SLC35F3: variants seen among roughly 807,000 people sequenced by gnomAD.
SLC35F3 encodes putative thiamine transporter SLC35F3.
In SLC35F3, 25 loss-of-function variants were observed where a neutral mutation model predicts 49.9. The observed-to-expected ratio is 0.50, with a 90% CI of 0.37 to 0.70. The LOEUF is 0.70. Among genes scored for constraint, SLC35F3 ranks in the 30% least tolerant of loss-of-function variants. The probability of loss-of-function intolerance (pLI) is 0.00; values close to 1 mark genes in which losing one functional copy is unlikely to be tolerated. For missense variants in SLC35F3, 525 were observed against 639.8 expected, an observed-to-expected ratio of 0.82 and a Z score of 1.94; for synonymous variants, 275 against 265.4, an observed-to-expected ratio of 1.04 and a Z score of -0.35.
At chr1:234,188,134 G>C (rs1572087033) in intron 2 of SLC35F3, among the ~76,000 whole-genome samples, 1 of 152,262 alleles carries the variant, frequency 6.6e-6, no homozygotes, top group East Asian at 1.9e-4. Context: ...CTACTTGGTA[G>C]GCTGAGGCAG....
At position 234,305,744 on chromosome 1, in the gene SLC35F3, A is replaced by G. The variant is rs189970984; in HGVS notation, c.609-3357A>G. On this transcript the variant is annotated intron_variant, in intron 3 of 7. Transcript: ENST00000366618. ...TCTCAATTTAGATTTCATGGAAAAA[A>G]AGTTTTCGTTTCCCACTCATATTTC... Among the ~76,000 whole-genome samples, 686 of 152,294 alleles carry G rather than the reference A, an allele frequency of 4.5e-3. 6 individuals are homozygous for G. The highest frequency in any genetic ancestry group is 0.014 in the African/African-American group (600 of 41,562).
intron 2 of SLC35F3, among the ~76,000 whole-genome samples, chr1:234,144,693 A>G (rs940359266): frequency 3.3e-5 from 5 of 152,200 alleles, no homozygotes; most frequent in African/African-American, 9.7e-5. Context: ...ATCTACTAAG[A>G]TACTTTGCTA....
intron 3 of SLC35F3, among the ~76,000 whole-genome samples, chr1:234,267,481 G>C (rs1444812285): frequency 2.9e-4 from 42 of 145,510 alleles, no homozygotes; most frequent in Non-Finnish European, 4.6e-4. Flanking sequence ...CTCACCTCCC[G>C]GATGGGGCGG....
chr1:234,092,460 T>C (rs1665057741), intron 2 of SLC35F3, among the ~76,000 whole-genome samples: 3 of 152,098 alleles, frequency 2.0e-5, no homozygotes, highest in African/African-American at 7.2e-5. Flanking sequence ...CTAAGAGGAC[T>C]GTATTGTTAC....
At chr1:234,142,603 T>C (rs1175292580) in intron 2 of SLC35F3, among the ~76,000 whole-genome samples, 1 of 152,132 alleles carries the variant, frequency 6.6e-6, no homozygotes, top group Non-Finnish European at 1.5e-5. Context: ...GAAAAACAGT[T>C]TGGTATTGGG....
chr1:233,966,035 G>A (rs1662900419), intron 2 of SLC35F3, among the ~76,000 whole-genome samples: 1 of 152,162 alleles, frequency 6.6e-6, no homozygotes, highest in African/African-American at 2.4e-5. Context: ...ATGACCCAGA[G>A]TCAAGATAGA....
At position 234,224,938 on chromosome 1, in the gene SLC35F3, C is replaced by A. The variant is rs72760033; in HGVS notation, c.284-6479C>A. 5.2e-3 allele frequency among the ~76,000 whole-genome samples: 789 copies of A among 152,340 alleles called. 2 individuals are homozygous for A. Among genetic ancestry groups the A allele is most frequent in the Non-Finnish European group, 7.3e-3 (499 of 68,028 alleles). On this transcript the variant is annotated intron_variant, in intron 2 of 7. Coordinates refer to ENST00000366618, the MANE Select transcript of SLC35F3 (RefSeq NM_173508.4). ...TATCTCCTTTTCCTTTACCCACGGTCAACACCTAACTTCAATTATCTATAG... is the reference window on the plus strand; with the variant it reads ...TATCTCCTTTTCCTTTACCCACGGTAAACACCTAACTTCAATTATCTATAG...
At position 234,167,238 on chromosome 1, in the gene SLC35F3, C is replaced by T. The variant is rs1265584649; in HGVS notation, c.284-64179C>T. On this transcript the variant is annotated intron_variant, in intron 2 of 7. Transcript: ENST00000366618. ...AAATAAGAGCTCACATTTTTAGAGC[C>T]ACCTTTCTATGTCACCATGTCTCAT... Among the ~76,000 whole-genome samples the T allele has an allele frequency of 2.0e-5, 3 of 152,284 alleles. No homozygotes were observed. In the East Asian group the frequency reaches 5.8e-4, roughly 29 times the overall value.
chr1:234,003,360 C>G (rs1184043703), intron 2 of SLC35F3, among the ~76,000 whole-genome samples: 1 of 152,112 alleles, frequency 6.6e-6, no homozygotes, highest in African/African-American at 2.4e-5. Flanking sequence ...GCAGAGGACT[C>G]TTTATGTTTC....
intron 2 of SLC35F3, among the ~76,000 whole-genome samples, chr1:233,914,164 C>A (rs1457054807): frequency 1.3e-5 from 2 of 151,844 alleles, no homozygotes; most frequent in East Asian, 3.9e-4. Flanking sequence ...CAGGGGTAGA[C>A]TCCTGATCCA....
At chr1:234,086,241 TGTTTGAAAACAACAA>T (rs1282339813) in intron 2 of SLC35F3, among the ~76,000 whole-genome samples, 1 of 152,222 alleles carries the variant, frequency 6.6e-6, no homozygotes, top group Non-Finnish European at 1.5e-5. Flanking sequence ...ACAAGAACTG[TGTTTGAAAACAACAA>T]GCTGTCTTGC....
At chr1:233,956,885 C>T (rs1662713805) in intron 2 of SLC35F3, among the ~76,000 whole-genome samples, 1 of 152,178 alleles carries the variant, frequency 6.6e-6, no homozygotes, top group Non-Finnish European at 1.5e-5. Context: ...CCTAGGAATC[C>T]ACACAGGTGC....
intron 2 of SLC35F3, among the ~76,000 whole-genome samples, chr1:234,004,192 A>G (rs1663595672): frequency 6.6e-6 from 1 of 152,212 alleles, no homozygotes; most frequent in South Asian, 2.1e-4. Flanking sequence ...ATTAGAAACA[A>G]TCTAATGTCT....
intron 2 of SLC35F3, among the ~76,000 whole-genome samples, chr1:234,032,135 A>G (rs924495859): frequency 2.6e-5 from 4 of 152,094 alleles, no homozygotes; most frequent in Admixed American, 6.5e-5. Context: ...TTGACTTCGT[A>G]CTATAAAAAA....
chr1:233,930,781 G>C (rs1662231047), intron 2 of SLC35F3, among the ~76,000 whole-genome samples: 1 of 152,130 alleles, frequency 6.6e-6, no homozygotes, highest in African/African-American at 2.4e-5. Context: ...ATGTTATTAA[G>C]AGAATCTCAA....
intron 2 of SLC35F3, among the ~76,000 whole-genome samples, chr1:234,188,882 T>C (rs1666686953): frequency 6.6e-6 from 1 of 152,216 alleles, no homozygotes; most frequent in African/African-American, 2.4e-5. Context: ...CAGGACTCTA[T>C]GCAGACATCT....
intron 2 of SLC35F3, among the ~76,000 whole-genome samples, chr1:234,081,273 G>A (rs1420447286): frequency 6.6e-6 from 1 of 152,186 alleles, no homozygotes; most frequent in Non-Finnish European, 1.5e-5. Flanking sequence ...TAGATCTAAT[G>A]CCATACAATA....
intron 3 of SLC35F3, among the ~76,000 whole-genome samples, chr1:234,287,446 T>C (rs867299181): frequency 1.3e-5 from 2 of 152,136 alleles, no homozygotes; most frequent in Non-Finnish European, 2.9e-5. Context: ...CTAGGACAGG[T>C]TGACTATTGA....
At chr1:234,119,301 T>A in intron 2 of SLC35F3, among the ~76,000 whole-genome samples, 1 of 87,986 alleles carries the variant, frequency 1.1e-5, no homozygotes, top group African/African-American at 4.1e-5. Flanking sequence ...TCATGGTGAT[T>A]TTTTTTTTTT....
Sources: allele counts gnomAD v4.1 joint callset (sites outside exome capture counted in the v4.1 genomes callset), GRCh38; gene constraint gnomAD v4.1.1; transcripts MANE v1.5; gene names NCBI Gene and HGNC (gene_info 2026-07-23, HGNC 2026-07-21).